LRP1B: variants seen among roughly 807,000 people sequenced by gnomAD.
The protein encoded by LRP1B is low-density lipoprotein receptor-related protein 1B.
A neutral mutation model predicts 556.6 loss-of-function variants in LRP1B; 217 were observed. The observed-to-expected ratio is 0.39, with a 90% CI of 0.35 to 0.44. The LOEUF (loss-of-function observed/expected upper bound fraction) is 0.44, where lower values mean the gene tolerates loss of function less well. Ranked by LOEUF, LRP1B falls within the 20% of genes least tolerant of loss-of-function variation. LRP1B has a pLI of 1.00. For missense variants in LRP1B, 5,053 were observed against 5,620.8 expected, an observed-to-expected ratio of 0.90 and a Z score of 3.23; for synonymous variants, 2,047 against 1,865.8, an observed-to-expected ratio of 1.10 and a Z score of -2.50.
At chr2:142,033,148 G>C (rs1703762752) in intron 1 of LRP1B, among the ~76,000 whole-genome samples, 1 of 151,706 alleles carries the variant, frequency 6.6e-6, no homozygotes, top group Non-Finnish European at 1.5e-5. Context: ...AGCATCTCCA[G>C]CTGCTAAGAT....
chr2:140,314,179 G>A lies in LRP1B; in HGVS notation c.12805+756C>T, dbSNP rs542602609. On this transcript the variant is annotated intron_variant, in intron 83 of 90. Transcript: ENST00000389484. ...TTTGACTAAATTTGCATTTATGGTA[G>A]TAACATTAAGTGCTCATAGATTGCA... Among the ~76,000 whole-genome samples the A allele has an allele frequency of 3.9e-5, 6 of 152,078 alleles. No homozygotes were observed. The South Asian group carries it at 1.2e-3, about 31-fold the overall frequency.
intron 6 of LRP1B, among the ~76,000 whole-genome samples, chr2:141,219,328 G>T (rs1239269812): frequency 9.2e-5 from 14 of 152,214 alleles, no homozygotes; most frequent in Non-Finnish European, 1.8e-4. Context: ...AGCAGCTGTG[G>T]CAGATCACGG....
At chr2:141,914,391 T>C (rs1699979515) in intron 1 of LRP1B, among the ~76,000 whole-genome samples, 1 of 152,100 alleles carries the variant, frequency 6.6e-6, no homozygotes. Flanking sequence ...TGACTAATAA[T>C]ATAACACAGC....
chr2:141,464,606 A>ATATTTTTTTTTTTTTTTTTTTT lies in LRP1B; in HGVS notation c.343+15789_343+15790insAAAAAAAAAAAAAAAAAAAATA. On this transcript the variant is annotated intron_variant, in intron 3 of 90. Transcript: ENST00000389484. ...TTTGTATATATATATATATATATAT[A>ATATTTTTTTTTTTTTTTTTTTT]TTTTTTTAGTAGAGATGGGGTTTCA... is the stretch of plus-strand genomic sequence containing the variant. Among the ~76,000 whole-genome samples the ATATTTTTTTTTTTTTTTTTTTT allele has an allele frequency of 1.7e-3, 152 of 90,408 alleles. 9 individuals carry two copies. Among genetic ancestry groups the ATATTTTTTTTTTTTTTTTTTTT allele is most frequent in the Middle Eastern group, 0.011 (2 of 182 alleles). 59.3% of individuals were successfully genotyped at this position (90,408 alleles called of 152,430 possible). A position where few individuals can be genotyped will look rare whatever the true frequency, so the allele number is the denominator to read the frequency against.
At chr2:141,097,224 T>G (rs985879407) in intron 7 of LRP1B, among the ~76,000 whole-genome samples, 1 of 152,226 alleles carries the variant, frequency 6.6e-6, no homozygotes, top group Non-Finnish European at 1.5e-5. Context: ...AAATGGAGAA[T>G]CTATGGTAAT....
rs1339815469 is a variant in LRP1B at position 140,702,143 on chromosome 2, G to A, written c.6300C>T (p.Asp2100=). ...AVFGAYIYWS[D]RAHANGSVRR... ...ATACTTATGAAAAAATAAATTACCT[G>A]TCAGACCAGTAGATGTAAGCCCCAA... The change falls in exon 39 of 91, where the codon GAC becomes GAT. Residue 2100 remains aspartate, a splice_region_variant and synonymous_variant. Coordinates refer to ENST00000389484, the MANE Select transcript of LRP1B (RefSeq NM_018557.3). The A allele has an allele frequency of 6.2e-7, 1 of 1,612,478 alleles. No individual in the cohort carries two copies. Among genetic ancestry groups the A allele is most frequent in the Admixed American group, 1.7e-5 (1 of 59,666 alleles).
chr2:140,291,321 T>TTTTTTTTTA (rs1553440694), intron 84 of LRP1B, among the ~76,000 whole-genome samples: 11 of 132,018 alleles, frequency 8.3e-5, no homozygotes, highest in African/African-American at 2.8e-4. Context: ...TATATATATT[T>TTTTTTTTTA]TTATTATACT....
intron 10 of LRP1B, among the ~76,000 whole-genome samples, chr2:141,054,105 A>G (rs1053387810): frequency 2.6e-5 from 4 of 152,118 alleles, no homozygotes; most frequent in African/African-American, 7.2e-5. Flanking sequence ...TTGATTCTTC[A>G]CTTTAAACTA....
chr2:140,748,784 A>AATATATATC (rs1491516393), intron 35 of LRP1B, among the ~76,000 whole-genome samples: 1,149 of 42,988 alleles, frequency 0.027, 141 homozygotes, highest in African/African-American at 0.058. Context: ...ATATGTATAT[A>AATATATATC]ATATATATTA....
chr2:140,512,232 C>T (rs559845278), intron 51 of LRP1B, among the ~76,000 whole-genome samples: 1 of 152,228 alleles, frequency 6.6e-6, no homozygotes, highest in East Asian at 1.9e-4. Flanking sequence ...GAGATATCTC[C>T]AGCTATAAAA....
At chr2:141,540,499 A>T (rs1025314052) in intron 2 of LRP1B, among the ~76,000 whole-genome samples, 1 of 152,034 alleles carries the variant, frequency 6.6e-6, no homozygotes, top group African/African-American at 2.4e-5. Flanking sequence ...CATAATTTTA[A>T]TGACAGTTGA....
chr2:141,407,708 G>A (rs2104936931), intron 3 of LRP1B, among the ~76,000 whole-genome samples: 1 of 152,258 alleles, frequency 6.6e-6, no homozygotes, highest in East Asian at 1.9e-4. Flanking sequence ...GGCTTCACCA[G>A]AAACCAAGCA....
chr2:141,103,388 C>T (rs1244254301), intron 7 of LRP1B, among the ~76,000 whole-genome samples: 1 of 152,058 alleles, frequency 6.6e-6, no homozygotes, highest in East Asian at 1.9e-4. Flanking sequence ...CTTGGCTGCT[C>T]ACTCAGTGTG....
intron 43 of LRP1B, among the ~76,000 whole-genome samples, chr2:140,568,680 C>T (rs895197978): frequency 6.6e-5 from 10 of 152,062 alleles, no homozygotes; most frequent in African/African-American, 2.2e-4. Flanking sequence ...TTCTGAAGCA[C>T]ATTCTAGTTA....
chr2:140,394,124 A>ATTT (rs34965660), intron 66 of LRP1B, among the ~76,000 whole-genome samples: 111 of 122,456 alleles, frequency 9.1e-4, no homozygotes, highest in East Asian at 5.0e-3. Context: ...ACTGGCACAT[A>ATTT]TTTTTTTTTT....
intron 17 of LRP1B, among the ~76,000 whole-genome samples, chr2:140,982,591 A>G (rs867280182): frequency 3.3e-5 from 5 of 152,100 alleles, no homozygotes; most frequent in Non-Finnish European, 7.4e-5. Flanking sequence ...TTATGAATAT[A>G]AGGTTGAATT....
At chr2:140,994,557 A>G (rs1380630604) in intron 15 of LRP1B, among the ~76,000 whole-genome samples, 5 of 151,972 alleles carry the variant, frequency 3.3e-5, no homozygotes, top group African/African-American at 7.2e-5. Flanking sequence ...TACAAAGACT[A>G]TAGTTACAAT....
chr2:141,495,333 C>G (rs1683474057), intron 2 of LRP1B, among the ~76,000 whole-genome samples: 1 of 152,072 alleles, frequency 6.6e-6, no homozygotes, highest in Non-Finnish European at 1.5e-5. Flanking sequence ...TTCATCTGCC[C>G]TTTCTGACCA....
intron 17 of LRP1B, among the ~76,000 whole-genome samples, chr2:140,989,304 G>A (rs1274573617): frequency 1.3e-5 from 2 of 152,084 alleles, no homozygotes; most frequent in Admixed American, 1.3e-4. Flanking sequence ...AACCCATATG[G>A]ATAGATGAAG....
Sources: gnomAD v4.1 joint callset for allele counts (sites outside exome capture counted in the v4.1 genomes callset) on GRCh38, gnomAD v4.1.1 for gene constraint, MANE v1.5 for transcripts, NCBI Gene and HGNC (gene_info 2026-07-23, HGNC 2026-07-21) for gene names.